Variants in GALNTL6 observed in about 807,000 individuals in gnomAD.
GALNTL6 encodes polypeptide N-acetylgalactosaminyltransferase like 6.
Under a neutral mutation model 73.7 loss-of-function variants are expected in GALNTL6, and 46 were observed. The observed-to-expected ratio is 0.62, with a 90% CI of 0.49 to 0.80. The LOEUF (loss-of-function observed/expected upper bound fraction) is 0.80. Among genes scored for constraint, GALNTL6 ranks in the 30% least tolerant of loss-of-function variants. GALNTL6 has a pLI of 0.00. For synonymous variants in GALNTL6, 259 were observed against 263.7 expected (o/e 0.98, Z 0.17); for missense variants, 604 against 755.0 (o/e 0.80, Z 2.34).
chr4:172,795,641 A>G (rs1475144922), intron 5 of GALNTL6, among the ~76,000 whole-genome samples: 5 of 152,178 alleles, frequency 3.3e-5, no homozygotes, highest in Non-Finnish European at 5.9e-5. Context: ...TCACATGGAA[A>G]TGGAGTATCC....
At chr4:172,420,381 G>A (rs901013654) in intron 5 of GALNTL6, among the ~76,000 whole-genome samples, 5 of 152,194 alleles carry the variant, frequency 3.3e-5, no homozygotes, top group Admixed American at 6.6e-5. Flanking sequence ...GATGTTATTT[G>A]TAATTGCTTC....
At chr4:172,156,928 A>G (rs1307204264) in intron 2 of GALNTL6, among the ~76,000 whole-genome samples, 1 of 152,076 alleles carries the variant, frequency 6.6e-6, no homozygotes, top group Non-Finnish European at 1.5e-5. Flanking sequence ...CTTATTATAT[A>G]CTTGTTTTCC....
intron 2 of GALNTL6, among the ~76,000 whole-genome samples, chr4:172,048,539 T>G (rs1742281780): frequency 6.6e-6 from 1 of 152,130 alleles, no homozygotes; most frequent in South Asian, 2.1e-4. Context: ...AATGGTTTAG[T>G]TATCAATAAA....
chr4:172,922,734 T>A (rs1319055248), intron 8 of GALNTL6, among the ~76,000 whole-genome samples: 2 of 152,214 alleles, frequency 1.3e-5, no homozygotes, highest in Non-Finnish European at 2.9e-5. Context: ...CCACAAATAT[T>A]TATTGAGTGT....
Position 172,952,084 on chromosome 4 carries a change from C to T in GALNTL6, c.1197C>T (p.Tyr399=), listed in dbSNP as rs1561052193. The T allele has an allele frequency of 2.5e-6, 4 of 1,613,992 alleles. No homozygotes were observed. The highest frequency in any genetic ancestry group is 1.3e-5 in the African/African-American group (1 of 74,888). The part of the protein sequence containing the change: ...AETWMDEFAE[Y]IYQRRPEYRH... ...CCTGGATGGATGAATTTGCCGAGTA[C>T]ATTTACCAGCGGCGGCCGGAGTACA... Residue 399 remains tyrosine (Y), a synonymous_variant, in exon 10 of 13, where the codon TAC becomes TAT. Coordinates refer to ENST00000506823, the MANE Select transcript of GALNTL6 (RefSeq NM_001034845.3).
intron 5 of GALNTL6, among the ~76,000 whole-genome samples, chr4:172,445,015 A>G (rs1731970614): frequency 6.6e-6 from 1 of 152,178 alleles, no homozygotes; most frequent in Admixed American, 6.6e-5. Context: ...GAATTTAGGG[A>G]AAAGCCAACA....
chr4:171,843,927 C>G (rs1460203505), intron 2 of GALNTL6, among the ~76,000 whole-genome samples: 1 of 152,092 alleles, frequency 6.6e-6, no homozygotes, highest in Non-Finnish European at 1.5e-5. Context: ...TCTGTAAGAA[C>G]TGGAGAACAA....
chr4:172,251,040 CA>C (rs112478194), intron 3 of GALNTL6, among the ~76,000 whole-genome samples: 1 of 150,934 alleles, frequency 6.6e-6, no homozygotes, highest in Non-Finnish European at 1.5e-5. Flanking sequence ...CAGGGTTGTC[CA>C]AAAAAAATAA....
chr4:172,737,099 G>C (rs1042936530), intron 5 of GALNTL6, among the ~76,000 whole-genome samples: 5 of 152,142 alleles, frequency 3.3e-5, no homozygotes, highest in African/African-American at 9.7e-5. Flanking sequence ...TTCTTATTTA[G>C]GTTGAATCTG....
intron 2 of GALNTL6, among the ~76,000 whole-genome samples, chr4:172,104,837 G>C (rs1480436337): frequency 1.3e-5 from 2 of 152,128 alleles, no homozygotes; most frequent in Non-Finnish European, 2.9e-5. Flanking sequence ...AACTCATGCT[G>C]AAAATAGGTC....
intron 2 of GALNTL6, among the ~76,000 whole-genome samples, chr4:171,857,279 A>G (rs775351093): frequency 2.6e-5 from 4 of 152,182 alleles, no homozygotes; most frequent in Non-Finnish European, 4.4e-5. Context: ...AAAAAGAAGT[A>G]TATTGAACCA....
Position 172,861,757 on chromosome 4 carries a change from C to T in GALNTL6, c.924-21033C>T, listed in dbSNP as rs185315373. ...CTCAGGACATCTCATGGTTTTATAA[C>T]GGGGAGTTCCCCCGTACACACTCTC... is the stretch of plus-strand genomic sequence containing the variant. On this transcript the variant is annotated intron_variant, in intron 7 of 12. Coordinates refer to ENST00000506823, the MANE Select transcript of GALNTL6 (RefSeq NM_001034845.3). 9.1e-4 allele frequency among the ~76,000 whole-genome samples: 138 copies of T among 152,296 alleles called. 2 individuals are homozygous for T. Among genetic ancestry groups the T allele is most frequent in the African/African-American group, 3.1e-3 (128 of 41,566 alleles).
chr4:172,404,839 C>G (rs750055435), intron 5 of GALNTL6, among the ~76,000 whole-genome samples: 1 of 151,984 alleles, frequency 6.6e-6, no homozygotes, highest in Non-Finnish European at 1.5e-5. Flanking sequence ...TCTAAATCAG[C>G]CTGATTGTGT....
chr4:172,445,872 A>T (rs1561086646), intron 5 of GALNTL6, among the ~76,000 whole-genome samples: 4 of 152,176 alleles, frequency 2.6e-5, no homozygotes, highest in Admixed American at 2.6e-4. Flanking sequence ...AGAGAAGAAG[A>T]TGGCTAAATG....
At chr4:172,976,655 T>A (rs1189192345) in intron 10 of GALNTL6, among the ~76,000 whole-genome samples, 1 of 152,160 alleles carries the variant, frequency 6.6e-6, no homozygotes, top group Non-Finnish European at 1.5e-5. Flanking sequence ...TTCAGGAAAA[T>A]GTTGTACTTC....
chr4:171,980,121 G>A (rs901175155), intron 2 of GALNTL6, among the ~76,000 whole-genome samples: 2 of 151,556 alleles, frequency 1.3e-5, no homozygotes, highest in African/African-American at 4.9e-5. Context: ...AATAATAATA[G>A]CATTGAGGAA....
intron 2 of GALNTL6, among the ~76,000 whole-genome samples, chr4:171,824,547 T>C (rs542378139): frequency 1.3e-5 from 2 of 152,130 alleles, no homozygotes; most frequent in South Asian, 4.1e-4. Flanking sequence ...TAAAATGTTA[T>C]CTATTATTAC....
At chr4:172,599,548 G>A (rs1360605805) in intron 5 of GALNTL6, among the ~76,000 whole-genome samples, 3 of 152,042 alleles carry the variant, frequency 2.0e-5, no homozygotes, top group Non-Finnish European at 2.9e-5. Flanking sequence ...TGCCCTTAAC[G>A]ATTTAAAGGT....
At chr4:172,622,438 G>A (rs541724420) in intron 5 of GALNTL6, among the ~76,000 whole-genome samples, 24 of 152,200 alleles carry the variant, frequency 1.6e-4, no homozygotes, top group African/African-American at 5.8e-4. Flanking sequence ...AGACAAAGAG[G>A]TATTTTCAGA....
Sources: allele counts gnomAD v4.1 joint callset (sites outside exome capture counted in the v4.1 genomes callset), GRCh38; gene constraint gnomAD v4.1.1; transcripts MANE v1.5; gene names NCBI Gene and HGNC (gene_info 2026-07-23, HGNC 2026-07-21).